Variants in TRIP11 observed in about 807,000 individuals in gnomAD.
TRIP11 encodes thyroid hormone receptor interactor 11.
A neutral mutation model predicts 223.1 loss-of-function variants in TRIP11; 148 were observed. That is an observed-to-expected ratio of 0.66 (90% confidence interval 0.58 to 0.76). The LOEUF is 0.76. Among genes scored for constraint, TRIP11 ranks in the 30% least tolerant of loss-of-function variants. The pLI, the probability that TRIP11 is intolerant of heterozygous loss-of-function variation, is 0.00. For missense variants in TRIP11, 2,043 were observed against 2,222.0 expected (o/e 0.92, Z 1.62); for synonymous variants, 762 against 772.6 (o/e 0.99, Z 0.23).
At chr14:91,983,115 T>C (rs921947921) in intron 16 of TRIP11, among the ~76,000 whole-genome samples, 1 of 152,202 alleles carries the variant, frequency 6.6e-6, no homozygotes, top group African/African-American at 2.4e-5. Context: ...TCACTAACCT[T>C]GTCTACCCTT....
At chr14:92,013,099 T>G (rs750169416) in intron 7 of TRIP11, among the ~76,000 whole-genome samples, 6 of 152,100 alleles carry the variant, frequency 3.9e-5, no homozygotes, top group Non-Finnish European at 7.4e-5. Flanking sequence ...AAACCCTGTC[T>G]CTACTAAAAA....
chr14:92,035,425 T>C (rs948178181), intron 1 of TRIP11, among the ~76,000 whole-genome samples: 5 of 151,970 alleles, frequency 3.3e-5, no homozygotes, highest in Non-Finnish European at 5.9e-5. Context: ...AAATAACTTA[T>C]CTGGACTACA....
chr14:91,996,817 A>G (rs2056757114), intron 13 of TRIP11, among the ~76,000 whole-genome samples: 1 of 152,156 alleles, frequency 6.6e-6, no homozygotes, highest in Non-Finnish European at 1.5e-5. Context: ...CTTTCTGCCT[A>G]TATTAAACAC....
chr14:91,971,839 A>G (rs1236681567), intron 20 of TRIP11, among the ~76,000 whole-genome samples: 1 of 152,258 alleles, frequency 6.6e-6, no homozygotes, highest in Non-Finnish European at 1.5e-5. Context: ...TCAGAAAAAT[A>G]GAAATATTTG....
At chr14:92,025,515 C>CCCT (rs1555388724) in intron 2 of TRIP11, 95 bp from the exon 3 acceptor site, 290 of 812,782 alleles carry the variant, frequency 3.6e-4, no homozygotes, top group Middle Eastern at 6.8e-4. Flanking sequence ...GCTTTCCCCC[C>CCCT]CCAAAAATGT....
In TRIP11 at chr14:92,007,734, G is replaced by C. The variant is rs770138874; in HGVS notation, c.1433C>G (p.Ala478Gly). ...ACTCTGATTGAGTTCTTGTTCCTTT[G>C]CCTCCAAATTAAGTCTTAAGTCATG... ...ELHDLRLNLE[A>G]KEQELNQSIS... The change falls in exon 10 of 21, where the codon GCA (alanine) becomes GGA (glycine). Residue 478 changes from alanine to glycine, a missense_variant. Physicochemically the swap from Ala to Gly is moderately conservative, Grantham distance 60. Coordinates refer to ENST00000267622, the MANE Select transcript of TRIP11 (RefSeq NM_004239.4). 6.2e-7 allele frequency: 1 copy of C among 1,613,524 alleles called. No individual in the cohort carries two copies. Among genetic ancestry groups the C allele is most frequent in the South Asian group, 1.1e-5 (1 of 91,060 alleles).
Position 91,966,347 on chromosome 14 carries a change from TGATA to T in TRIP11, c.*3322_*3325del, listed in dbSNP as rs1014221332. On this transcript the variant is annotated 3_prime_UTR_variant, in exon 21 of 21. Coordinates refer to ENST00000267622, the MANE Select transcript of TRIP11 (RefSeq NM_004239.4). ...AAAATAAATATCATCTATACTTACTTGATATTTACAAAACTTAAAGATAAATTTT... is the reference window on the plus strand; with the variant it reads ...AAAATAAATATCATCTATACTTACTTTTTACAAAACTTAAAGATAAATTTT... 7 of 182,234 alleles carry T rather than the reference TGATA, an allele frequency of 3.8e-5. No homozygotes were observed. Among genetic ancestry groups the T allele is most frequent in the Non-Finnish European group, 7.0e-5 (6 of 85,556 alleles). 11.3% of individuals were successfully genotyped at this position (182,234 alleles called of 1,614,324 possible). A position where few individuals can be genotyped will look rare whatever the true frequency, so the allele number is the denominator to read the frequency against.
rs751740362 is a variant in TRIP11 at position 91,975,261 on chromosome 14, C to G, written c.5368G>C (p.Gly1790Arg). 1.6e-5 allele frequency: 26 copies of G among 1,613,218 alleles called. No homozygotes were observed. In the South Asian group the frequency reaches 2.7e-4, roughly 17 times the overall value. The change falls in exon 18 of 21, where the codon GGT (glycine) becomes CGT (arginine). Residue 1790 changes from glycine (G) to arginine (R), a missense_variant. Physicochemically the swap from Gly to Arg is moderately radical, Grantham distance 125. Coordinates refer to ENST00000267622, the MANE Select transcript of TRIP11 (RefSeq NM_004239.4). ...DKVLMRNLFI[G>R]HFHTPKNQRH... Reference sequence around the variant, plus strand: ...TGATTTTTCGGTGTGTGGAAATGACCAATGAAGAGGTTTCTCATTAGGACT... The same window carrying G: ...TGATTTTTCGGTGTGTGGAAATGACGAATGAAGAGGTTTCTCATTAGGACT...
chr14:92,022,514 T>C (rs149467032), intron 3 of TRIP11, among the ~76,000 whole-genome samples: 2 of 152,338 alleles, frequency 1.3e-5, no homozygotes, highest in East Asian at 3.8e-4. Flanking sequence ...AGAACAGTTC[T>C]GAAGTTCTGA....
chr14:92,003,946 A>G lies in TRIP11; in HGVS notation c.4030T>C (p.Leu1344=), dbSNP rs1279628464. The change falls in exon 11 of 21, where the codon TTG becomes CTG. Residue 1344 remains leucine (L), a synonymous_variant. Transcript: ENST00000267622. ...KSEVLSESSE[L]LQQELEELRK... Reference sequence around the variant, plus strand: ...AGCTCTTCTAACTCTTGCTGAAGCAATTCAGAAGATTCACTCAATACTTCA... The same window carrying G: ...AGCTCTTCTAACTCTTGCTGAAGCAGTTCAGAAGATTCACTCAATACTTCA... The G allele has an allele frequency of 5.0e-6, 8 of 1,614,050 alleles. No homozygotes were observed. Among genetic ancestry groups the G allele is most frequent in the Non-Finnish European group, 5.9e-6 (7 of 1,180,038 alleles).
chr14:91,987,076 A>C (rs906660795), intron 16 of TRIP11, among the ~76,000 whole-genome samples: 3 of 152,236 alleles, frequency 2.0e-5, no homozygotes, highest in African/African-American at 7.2e-5. Context: ...AGAGATGCTT[A>C]TAAAAAGTAA....
In TRIP11 at chr14:91,969,324, C is replaced by A; in HGVS notation, c.*349G>T. Reference sequence around the variant, plus strand: ...AAACACTCTCTTGATAAACCACAATCTCTAGCTTAAATGAGCTTGGAAATC... The same window carrying A: ...AAACACTCTCTTGATAAACCACAATATCTAGCTTAAATGAGCTTGGAAATC... On this transcript the variant is annotated 3_prime_UTR_variant, in exon 21 of 21. Transcript: ENST00000267622. 2.9e-6 allele frequency: 1 copy of A among 339,220 alleles called. No homozygotes were observed. The highest frequency in any genetic ancestry group is 5.5e-6 in the Non-Finnish European group (1 of 182,462). 21.0% of individuals were successfully genotyped at this position (339,220 alleles called of 1,614,324 possible).
chr14:91,988,635 A>T (rs1379163071), intron 15 of TRIP11, among the ~76,000 whole-genome samples: 2 of 61,200 alleles, frequency 3.3e-5, no homozygotes, highest in South Asian at 5.7e-4. Context: ...GACAGAAGTA[A>T]AAAAAAAAAA....
chr14:91,993,662 T>C, intron 15 of TRIP11, 147 bp downstream of exon 15: 1 of 654,300 alleles, frequency 1.5e-6, no homozygotes, highest in Non-Finnish European at 2.7e-6. Flanking sequence ...GGGTATCTTG[T>C]TCACTGTCAG....
intron 14 of TRIP11, among the ~76,000 whole-genome samples, chr14:91,994,258 C>CT (rs539125037): frequency 0.072 from 9,229 of 127,438 alleles, 740 homozygotes; most frequent in African/African-American, 0.18. Flanking sequence ...ACCTCAAAAA[C>CT]TTTTTTTTTT....
intron 2 of TRIP11, 132 bp downstream of exon 2, chr14:92,033,060 A>G (rs180874052): frequency 1.4e-6 from 1 of 697,730 alleles, no homozygotes. Context: ...AGCTCAAAAA[A>G]CAATCAAAAT....
chr14:91,969,033 G>C lies in TRIP11; in HGVS notation c.*640C>G. The C allele has an allele frequency of 4.5e-6, 1 of 221,384 alleles. No individual in the cohort carries two copies. Among genetic ancestry groups the C allele is most frequent in the Non-Finnish European group, 9.0e-6 (1 of 110,786 alleles). 13.7% of individuals were successfully genotyped at this position (221,384 alleles called of 1,614,324 possible). A position where few individuals can be genotyped will look rare whatever the true frequency, so the allele number is the denominator to read the frequency against. ...AGGCTGAGGTGGGAGGATCACTTGA[G>C]CCCAGGAGTTTGAGGCCAGCCTGGC... is the stretch of plus-strand genomic sequence containing the variant. On this transcript the variant is annotated 3_prime_UTR_variant, in exon 21 of 21. Transcript: ENST00000267622.
chr14:92,002,318 A>G (rs2056837301), intron 11 of TRIP11, among the ~76,000 whole-genome samples: 1 of 152,014 alleles, frequency 6.6e-6, no homozygotes, highest in Non-Finnish European at 1.5e-5. Context: ...ACTGCTATGA[A>G]CTCCTGTTTT....
chr14:92,012,571 C>T (rs2056985720), intron 7 of TRIP11, among the ~76,000 whole-genome samples: 8 of 152,034 alleles, frequency 5.3e-5, no homozygotes, highest in Admixed American at 5.2e-4. Context: ...AGTGGCAGTG[C>T]TAGGTACTTC....
Sources: allele counts gnomAD v4.1 joint callset (sites outside exome capture counted in the v4.1 genomes callset), GRCh38; gene constraint gnomAD v4.1.1; transcripts MANE v1.5; gene names NCBI Gene and HGNC (gene_info 2026-07-23, HGNC 2026-07-21).